DLG2: variants seen among roughly 807,000 people sequenced by gnomAD.
DLG2 encodes the protein disks large homolog 2.
A neutral mutation model predicts 132.5 loss-of-function variants in DLG2; 45 were observed. The ratio of observed to expected loss-of-function variants is 0.34; its 90% CI spans 0.27 to 0.44. The LOEUF is 0.44. DLG2 is among the 20% of genes least tolerant of loss of function. The pLI is 1.00. For missense variants in DLG2, 1,045 were observed against 1,196.9 expected (o/e 0.87, Z 1.87); for synonymous variants, 424 against 419.6 (o/e 1.01, Z -0.13).
chr11:83,972,772 T>A (rs34912232), intron 12 of DLG2, among the ~76,000 whole-genome samples: 6,617 of 152,172 alleles, frequency 0.043, 199 homozygotes, highest in Non-Finnish European at 0.067. Flanking sequence ...GCAATAAGAA[T>A]GAAGGTCATT....
chr11:85,151,951 G>T (rs1398771504), intron 5 of DLG2, among the ~76,000 whole-genome samples: 1 of 152,098 alleles, frequency 6.6e-6, no homozygotes, highest in Non-Finnish European at 1.5e-5. Context: ...TTCTCATTCT[G>T]CTCTCATTCC....
intron 7 of DLG2, among the ~76,000 whole-genome samples, chr11:84,452,091 TTAAA>T (rs2099053128): frequency 7.0e-6 from 1 of 142,750 alleles, no homozygotes; most frequent in Non-Finnish European, 1.5e-5. Context: ...TGTTCCTGTA[TTAAA>T]TAAACTGAAA....
chr11:85,205,316 T>G (rs2081804839), intron 4 of DLG2, among the ~76,000 whole-genome samples: 2 of 151,976 alleles, frequency 1.3e-5, no homozygotes, highest in Admixed American at 1.3e-4. Flanking sequence ...CTCAACCATA[T>G]TTGGGAGCTA....
intron 4 of DLG2, among the ~76,000 whole-genome samples, chr11:85,231,084 T>C (rs1474842309): frequency 6.6e-6 from 1 of 152,018 alleles, no homozygotes; most frequent in Non-Finnish European, 1.5e-5. Flanking sequence ...CTAATACATG[T>C]AGGTTGATAT....
At chr11:83,846,474 G>A (rs1025649375) in intron 16 of DLG2, among the ~76,000 whole-genome samples, 3 of 152,174 alleles carry the variant, frequency 2.0e-5, no homozygotes, top group Non-Finnish European at 4.4e-5. Context: ...AGCCCCCCAA[G>A]TTTGCCTGCA....
intron 3 of DLG2, among the ~76,000 whole-genome samples, chr11:85,583,072 AT>A (rs2078670776): frequency 7.3e-6 from 1 of 136,312 alleles, no homozygotes; most frequent in African/African-American, 2.7e-5. Flanking sequence ...ATATATATAT[AT>A]ATATAATATA....
At chr11:83,939,424 GA>G (rs1426665076) in intron 14 of DLG2, among the ~76,000 whole-genome samples, 1 of 151,882 alleles carries the variant, frequency 6.6e-6, no homozygotes, top group Admixed American at 6.6e-5. Context: ...ACAGTGTAGA[GA>G]AAAAAAGCAA....
rs1405048885 is a variant in DLG2, at chr11:84,837,310, G to A, written c.357+274351C>T. ...AGTATTGAAATTCTCAAATTTAAGT[G>A]AAGAATAACTGTAAATATTATGTAA... On this transcript the variant is annotated intron_variant, in intron 6 of 27. Coordinates refer to ENST00000376104, the MANE Select transcript of DLG2 (RefSeq NM_001142699.3). Among the ~76,000 whole-genome samples, 3 of 151,768 alleles carry A rather than the reference G, an allele frequency of 2.0e-5. No homozygotes were observed. The East Asian group carries it at 5.8e-4, about 30-fold the overall frequency.
At chr11:84,893,465 A>C (rs1166693954) in intron 6 of DLG2, among the ~76,000 whole-genome samples, 1 of 152,168 alleles carries the variant, frequency 6.6e-6, no homozygotes, top group Non-Finnish European at 1.5e-5. Context: ...TGCAGAAGAA[A>C]TCTTCATGGG....
intron 6 of DLG2, among the ~76,000 whole-genome samples, chr11:84,591,880 G>T (rs112577333): frequency 6.6e-6 from 1 of 151,974 alleles, no homozygotes; most frequent in African/African-American, 2.4e-5. Flanking sequence ...TTTGGAGACA[G>T]TCTTGCTCTG....
At chr11:84,703,982 T>C (rs1251446609) in intron 6 of DLG2, among the ~76,000 whole-genome samples, 1 of 150,016 alleles carries the variant, frequency 6.7e-6, no homozygotes, top group African/African-American at 2.4e-5. Flanking sequence ...TGTTTTTTCC[T>C]CTGTTTTAAA....
chr11:85,053,235 A>C (rs1042098957), intron 6 of DLG2, among the ~76,000 whole-genome samples: 7 of 152,128 alleles, frequency 4.6e-5, no homozygotes, highest in African/African-American at 1.7e-4. Flanking sequence ...TGATTTCCAT[A>C]AAGGTTGATG....
chr11:83,500,890 A>C (rs1056659033), intron 21 of DLG2, among the ~76,000 whole-genome samples: 3 of 152,148 alleles, frequency 2.0e-5, no homozygotes, highest in African/African-American at 7.2e-5. Flanking sequence ...GGTAGATTCC[A>C]CAGGAAATTG....
chr11:84,596,390 T>C (rs544178434), intron 6 of DLG2, among the ~76,000 whole-genome samples: 47 of 151,074 alleles, frequency 3.1e-4, no homozygotes, highest in African/African-American at 1.1e-3. Flanking sequence ...TTTTTTTTTT[T>C]TTTTTTTTTA....
chr11:83,554,376 A>T (rs1383547630), intron 19 of DLG2, among the ~76,000 whole-genome samples: 3 of 152,178 alleles, frequency 2.0e-5, no homozygotes, highest in Non-Finnish European at 4.4e-5. Context: ...GCTATAGATA[A>T]GGTTCTTAAA....
At chr11:84,740,608 T>C (rs1288842143) in intron 6 of DLG2, among the ~76,000 whole-genome samples, 4 of 152,118 alleles carry the variant, frequency 2.6e-5, no homozygotes, top group African/African-American at 9.7e-5. Context: ...CCAACACTGG[T>C]GCTCCATCTT....
rs549707813 is a variant in DLG2, at chr11:83,616,911, C to T, written c.1940+16300G>A. Among the ~76,000 whole-genome samples, 3 of 152,172 alleles carry T rather than the reference C, an allele frequency of 2.0e-5. No individual in the cohort carries two copies. The East Asian group carries it at 5.8e-4, about 29-fold the overall frequency. Reference sequence around the variant, plus strand: ...ATTTACTAAAAAGATCATCCTTTTCCACTTCAGAGCAATTTTACTTTTGTC... The same window carrying T: ...ATTTACTAAAAAGATCATCCTTTTCTACTTCAGAGCAATTTTACTTTTGTC... On this transcript the variant is annotated intron_variant, in intron 19 of 27. Coordinates refer to ENST00000376104, the MANE Select transcript of DLG2 (RefSeq NM_001142699.3).
chr11:84,533,405 A>C (rs1305771797), intron 7 of DLG2, among the ~76,000 whole-genome samples: 2 of 152,216 alleles, frequency 1.3e-5, no homozygotes, highest in African/African-American at 2.4e-5. Context: ...AATTGCGGAG[A>C]TTTGCACAAT....
At chr11:84,483,429 T>TAAAA in intron 7 of DLG2, among the ~76,000 whole-genome samples, 1 of 26,572 alleles carries the variant, frequency 3.8e-5, no homozygotes, top group African/African-American at 4.4e-4. Flanking sequence ...AGACTCCGCC[T>TAAAA]CAAAAAAAAA....
Sources: allele counts gnomAD v4.1 joint callset (sites outside exome capture counted in the v4.1 genomes callset), GRCh38; gene constraint gnomAD v4.1.1; transcripts MANE v1.5; gene names NCBI Gene and HGNC (gene_info 2026-07-23, HGNC 2026-07-21).